The following TBX15 variants were observed in gnomAD, a reference collection of about 807,000 sequenced individuals.
The protein encoded by TBX15 is T-box transcription factor TBX15.
In TBX15, 18 loss-of-function variants were observed where a neutral mutation model predicts 53.9. That is an observed-to-expected ratio of 0.33 (90% CI 0.23 to 0.49). TBX15 has a LOEUF of 0.49. Ranked by LOEUF, TBX15 falls within the 20% of genes least tolerant of loss-of-function variation. The probability of loss-of-function intolerance (pLI) is 0.98; values close to 1 mark genes in which losing one functional copy is unlikely to be tolerated. For missense variants in TBX15, 692 were observed against 749.5 expected (o/e 0.92, Z 0.90); for synonymous variants, 295 against 278.0 (o/e 1.06, Z -0.61).
chr1:118,968,239 G>A (rs1017010496), intron 1 of TBX15, among the ~76,000 whole-genome samples: 3 of 152,110 alleles, frequency 2.0e-5, no homozygotes, highest in African/African-American at 4.8e-5. Flanking sequence ...TTTTGAGACA[G>A]GGTCTCCCTC....
intron 3 of TBX15, among the ~76,000 whole-genome samples, 185 bp downstream of exon 3, chr1:118,926,325 G>C (rs571156726): frequency 2.6e-5 from 4 of 152,242 alleles, no homozygotes; most frequent in South Asian, 4.1e-4. Context: ...AGAGACACAG[G>C]GGGGAATCCC....
intron 6 of TBX15, among the ~76,000 whole-genome samples, chr1:118,901,969 G>T (rs1422264703): frequency 6.6e-6 from 1 of 152,102 alleles, no homozygotes. Context: ...TGTGTGGGGA[G>T]GGTTATGGCT....
Position 118,885,432 on chromosome 1 carries a change from C to T in TBX15, c.1109G>A (p.Cys370Tyr). 1.2e-6 allele frequency: 2 copies of T among 1,612,798 alleles called. No homozygotes were observed. The highest frequency in any genetic ancestry group is 1.7e-4 in the Middle Eastern group (1 of 6,054). Residue 370 changes from cysteine (C) to tyrosine (Y), a missense_variant, in exon 8 of 8, where the codon TGT becomes TAT. By Grantham distance (194) the Cys-to-Tyr change is radical. Transcript: ENST00000369429. Reference sequence around the variant, plus strand: ...GGCCAGATGAAAAGTTGGAGGAGAACAGGATGGAGATAAAAGATGAGAAGA... The same window carrying T: ...GGCCAGATGAAAAGTTGGAGGAGAATAGGATGGAGATAAAAGATGAGAAGA... Reference protein sequence around the residue: ...SASSHLLSPSCSPPTFHLAPN... With the variant: ...SASSHLLSPSYSPPTFHLAPN...
intron 1 of TBX15, among the ~76,000 whole-genome samples, chr1:118,933,365 A>AGG (rs1571186560): frequency 6.6e-6 from 1 of 152,236 alleles, no homozygotes; most frequent in East Asian, 1.9e-4. Context: ...TTCTAAATAA[A>AGG]GGGGAAGTTT....
chr1:118,967,371 T>C (rs1273753742), intron 1 of TBX15, among the ~76,000 whole-genome samples: 7 of 152,204 alleles, frequency 4.6e-5, no homozygotes, highest in Non-Finnish European at 1.0e-4. Flanking sequence ...GTGGTAGAAA[T>C]GCTATATAAA....
chr1:118,898,974 C>T (rs1393391880), intron 7 of TBX15, 54 bp downstream of exon 7: 3 of 1,571,280 alleles, frequency 1.9e-6, no homozygotes, highest in East Asian at 4.5e-5. Flanking sequence ...CGGTTGAGCT[C>T]CCACTCTGTC....
rs1374920905 is a variant in TBX15 at position 118,979,485 on chromosome 1, T to C, written c.205+8106A>G. 6.6e-5 allele frequency among the ~76,000 whole-genome samples: 10 copies of C among 152,194 alleles called. No individual in the cohort carries two copies. The East Asian group carries it at 1.9e-3, about 29-fold the overall frequency. On this transcript the variant is annotated intron_variant, in intron 1 of 7. Transcript: ENST00000369429. ...AAGCCAGCGGATTCTTGGTTTCTAA[T>C]TGCTAATGTTTGAAGTCAGTTTGAT...
chr1:118,893,617 G>GAAAGAAAGAAAGAGAGAAAGAAAGAA lies in TBX15; in HGVS notation c.1024+5410_1024+5411insTTCTTTCTTTCTCTCTTTCTTTCTTT, dbSNP rs1354805382. Among the ~76,000 whole-genome samples the GAAAGAAAGAAAGAGAGAAAGAAAGAA allele has an allele frequency of 3.0e-4, 32 of 106,364 alleles. 1 individual carries two copies. The highest frequency in any genetic ancestry group is 1.2e-3 in the African/African-American group (30 of 24,512). The allele number at this position is 106,364 out of a possible 152,430, so 69.8% of individuals were successfully genotyped here. A position where few individuals can be genotyped will look rare whatever the true frequency, so the allele number is the denominator to read the frequency against. On this transcript the variant is annotated intron_variant, in intron 7 of 7. Transcript: ENST00000369429. ...AAGGAAGGAAAGAAAGAAAGAAAGA[G>GAAAGAAAGAAAGAGAGAAAGAAAGAA]AGAGAGAAAGAAAAAGAAAGAAAGA...
chr1:118,980,185 G>A (rs922936629), intron 1 of TBX15, among the ~76,000 whole-genome samples: 1 of 152,192 alleles, frequency 6.6e-6, no homozygotes, highest in Non-Finnish European at 1.5e-5. Flanking sequence ...TTGGGGGAGG[G>A]GAAGTGAGTG....
At position 118,924,786 on chromosome 1, in the gene TBX15, C is replaced by A; in HGVS notation, c.553G>T (p.Ala185Ser). Residue 185 changes from alanine to serine, a missense_variant, in exon 4 of 8, where the codon GCT (alanine) becomes TCT (serine). Physicochemically the swap from Ala to Ser is moderately conservative, Grantham distance 99 (BLOSUM62 1). This residue lies in a region of TBX15 where 307 missense variants were observed against 347.5 expected (regional missense o/e 0.88). Coordinates refer to ENST00000369429, the MANE Select transcript of TBX15 (RefSeq NM_001330677.2). ...YVYHSSKWMV[A>S]GNADSPVPPR... The stretch of plus-strand genomic sequence containing the variant: ...GGCACAGGGGAATCAGCATTGCCAG[C>A]CACCATCCACTTGGAGCTATGATAC... 6.2e-7 allele frequency: 1 copy of A among 1,613,920 alleles called. No individual in the cohort carries two copies. Among genetic ancestry groups the A allele is most frequent in the Non-Finnish European group, 8.5e-7 (1 of 1,179,970 alleles).
chr1:118,928,707 T>C (rs138946960), intron 2 of TBX15, among the ~76,000 whole-genome samples: 2 of 152,338 alleles, frequency 1.3e-5, no homozygotes, highest in East Asian at 3.9e-4. Flanking sequence ...AGATTTCTTT[T>C]ATTCATACCT....
At chr1:118,949,010 G>A (rs1421803439) in intron 1 of TBX15, among the ~76,000 whole-genome samples, 1 of 152,144 alleles carries the variant, frequency 6.6e-6, no homozygotes. Flanking sequence ...CTCTTAGGAA[G>A]GGAGAGCAAA....
chr1:118,900,521 T>C (rs1654591881), intron 6 of TBX15, among the ~76,000 whole-genome samples: 1 of 152,202 alleles, frequency 6.6e-6, no homozygotes, highest in African/African-American at 2.4e-5. Context: ...CAGTTAACTT[T>C]CTAAAGTCTT....
At chr1:118,981,728 C>T (rs1191645652) in intron 1 of TBX15, among the ~76,000 whole-genome samples, 2 of 152,148 alleles carry the variant, frequency 1.3e-5, no homozygotes, top group Non-Finnish European at 2.9e-5. Context: ...TCATATTTTC[C>T]ACCTCTGACA....
At chr1:118,892,184 T>G (rs924417299) in intron 7 of TBX15, among the ~76,000 whole-genome samples, 2 of 152,150 alleles carry the variant, frequency 1.3e-5, no homozygotes, top group African/African-American at 2.4e-5. Flanking sequence ...ATAGTGACTT[T>G]ACTTTAGAAA....
chr1:118,885,196 C>T lies in TBX15; in HGVS notation c.1345G>A (p.Gly449Arg), dbSNP rs1345979406. 6.2e-7 allele frequency: 1 copy of T among 1,614,164 alleles called. No homozygotes were observed. Among genetic ancestry groups the T allele is most frequent in the Non-Finnish European group, 8.5e-7 (1 of 1,180,030 alleles). ...GGCAACGAGGGAGGAGTTGGTATTC[C>T]TGAGATCAGGGATGGAGTCCTCTGA... ...MPQRTPSLIS[G>R]IPTPPSLPGN... The change falls in exon 8 of 8, where the codon GGA becomes AGA. Residue 449 changes from glycine (G) to arginine (R), a missense_variant. By Grantham distance (125) the Gly-to-Arg change is moderately radical (BLOSUM62 -2). Transcript: ENST00000369429.
chr1:118,899,162 A>C (rs779808141), intron 6 of TBX15, 37 bp from the exon 7 acceptor site: 32 of 1,574,028 alleles, frequency 2.0e-5, no homozygotes, highest in Non-Finnish European at 2.4e-5. Flanking sequence ...AGTCATAAAT[A>C]ATTTCAAGAA....
chr1:118,920,483 C>T (rs190472785), intron 5 of TBX15, among the ~76,000 whole-genome samples: 13 of 152,168 alleles, frequency 8.5e-5, no homozygotes, highest in East Asian at 1.9e-4. Flanking sequence ...GACCAGATTG[C>T]GACACTCTTG....
At chr1:118,974,530 T>C (rs1456883722) in intron 1 of TBX15, among the ~76,000 whole-genome samples, 2 of 151,814 alleles carry the variant, frequency 1.3e-5, no homozygotes, top group Non-Finnish European at 2.9e-5. Context: ...TTACTTGGAG[T>C]GGAGAAAAAG....
Sources: gnomAD v4.1 joint callset for allele counts (sites outside exome capture counted in the v4.1 genomes callset) on GRCh38, gnomAD v4.1.1 for gene constraint, gnomAD v4.1.1 regional missense constraint, MANE v1.5 for transcripts, NCBI Gene and HGNC (gene_info 2026-07-23, HGNC 2026-07-21) for gene names.